Variants in DAB1 observed in about 807,000 individuals in gnomAD.
DAB1 encodes disabled homolog 1.
A neutral mutation model predicts 64.6 loss-of-function variants in DAB1; 15 were observed. The ratio of observed to expected loss-of-function variants is 0.23; its 90% CI spans 0.16 to 0.36. The LOEUF (loss-of-function observed/expected upper bound fraction) is 0.36, where lower values mean the gene tolerates loss of function less well. Ranked by LOEUF, DAB1 falls within the 10% of genes least tolerant of loss-of-function variation. The pLI is 1.00. For synonymous variants in DAB1, 235 were observed against 251.9 expected, an observed-to-expected ratio of 0.93 and a Z score of 0.64; for missense variants, 596 against 706.7, an observed-to-expected ratio of 0.84 and a Z score of 1.78.
chr1:58,446,106 T>G (rs1645063143), intron 3 of DAB1, among the ~76,000 whole-genome samples: 1 of 152,180 alleles, frequency 6.6e-6, no homozygotes, highest in Non-Finnish European at 1.5e-5. Context: ...ATACCATTAT[T>G]TAAATTTACA....
At chr1:58,045,828 C>T (rs1647231190) in intron 5 of DAB1, among the ~76,000 whole-genome samples, 1 of 152,022 alleles carries the variant, frequency 6.6e-6, no homozygotes, top group Non-Finnish European at 1.5e-5. Flanking sequence ...CATTTATTCT[C>T]CTATCCTTTC....
intron 1 of DAB1, among the ~76,000 whole-genome samples, chr1:57,359,826 AGC>A (rs1332033403): frequency 2.6e-5 from 4 of 152,068 alleles, no homozygotes; most frequent in Admixed American, 2.0e-4. Flanking sequence ...AAGTGAAATA[AGC>A]CAGGCACAGA....
At chr1:57,024,153 C>T (rs562031539) in intron 10 of DAB1, among the ~76,000 whole-genome samples, 69 of 152,250 alleles carry the variant, frequency 4.5e-4, no homozygotes, top group African/African-American at 1.6e-3. Flanking sequence ...GGTGCACAGA[C>T]CCTTGTATCC....
At chr1:58,274,704 C>T (rs1294849425) in intron 4 of DAB1, among the ~76,000 whole-genome samples, 1 of 152,198 alleles carries the variant, frequency 6.6e-6, no homozygotes, top group Non-Finnish European at 1.5e-5. Context: ...GATATAATCT[C>T]GTGGTTCGCC....
At chr1:57,428,073 CAGGAGAATCACCTGAACCCAGGAGGCGG>C (rs1685356853), upstream of DAB1, among the ~76,000 whole-genome samples, 1 of 152,014 alleles carries the variant, frequency 6.6e-6, no homozygotes, top group African/African-American at 2.4e-5. Context: ...GAGGCTAAGG[CAGGAGAATCACCTGAACCCAGGAGGCGG>C]AGGGTGCAGT....
At chr1:58,490,413 A>T (rs946302331) in intron 3 of DAB1, among the ~76,000 whole-genome samples, 3 of 152,332 alleles carry the variant, frequency 2.0e-5, no homozygotes, top group African/African-American at 7.2e-5. Flanking sequence ...AAAGAAATGA[A>T]CAAAGCCTCC....
At chr1:57,646,811 G>A (rs761452582) in intron 7 of DAB1, among the ~76,000 whole-genome samples, 6 of 152,116 alleles carry the variant, frequency 3.9e-5, no homozygotes, top group Admixed American at 2.0e-4. Flanking sequence ...GTAACAGGCC[G>A]AGTGTGTTTC....
intron 5 of DAB1, among the ~76,000 whole-genome samples, chr1:57,920,528 G>A (rs1474020880): frequency 1.3e-5 from 2 of 152,036 alleles, no homozygotes; most frequent in Admixed American, 1.3e-4. Flanking sequence ...ATGTTGCCCA[G>A]GCTAGTCTTG....
rs1414667024 is a variant in DAB1, at chr1:57,493,762, G to GCACACACACACACACA, written n.625+155829_625+155830insTGTGTGTGTGTGTGTG. On this transcript the variant is annotated intron_variant and non_coding_transcript_variant, in intron 7 of 20. Transcript: ENST00000485760. ...AGGGAGGCAGGCTGACGTATTCACA[G>GCACACACACACACACA]CTCACACACACACACACACACACAC... 7.5e-3 allele frequency among the ~76,000 whole-genome samples: 1,127 copies of GCACACACACACACACA among 150,170 alleles called. 9 individuals carry two copies. Among genetic ancestry groups the GCACACACACACACACA allele is most frequent in the African/African-American group, 0.025 (1,010 of 39,988 alleles).
At chr1:57,469,735 A>G (rs1167532283) in intron 7 of DAB1, among the ~76,000 whole-genome samples, 1 of 152,200 alleles carries the variant, frequency 6.6e-6, no homozygotes, top group Non-Finnish European at 1.5e-5. Context: ...AAGAGGTTAC[A>G]TTCTACCAGG....
chr1:58,376,361 A>G (rs372402345), intron 3 of DAB1, among the ~76,000 whole-genome samples: 3 of 136,598 alleles, frequency 2.2e-5, no homozygotes, highest in Non-Finnish European at 4.9e-5. Context: ...TGTGTCCCAG[A>G]GATTCTGGTA....
At chr1:57,138,734 G>A (rs899394249) in intron 3 of DAB1, among the ~76,000 whole-genome samples, 2 of 152,142 alleles carry the variant, frequency 1.3e-5, no homozygotes, top group African/African-American at 2.4e-5. Context: ...TCTGTTTAAT[G>A]CCACCCTCTC....
intron 5 of DAB1, among the ~76,000 whole-genome samples, chr1:58,076,230 T>A (rs1649631882): frequency 6.6e-6 from 1 of 152,180 alleles, no homozygotes; most frequent in Non-Finnish European, 1.5e-5. Context: ...TATATATGTA[T>A]ACTAATATCA....
intron 2 of DAB1, among the ~76,000 whole-genome samples, chr1:57,271,842 C>T (rs917746693): frequency 6.6e-6 from 1 of 152,196 alleles, no homozygotes; most frequent in African/African-American, 2.4e-5. Context: ...TACTGTCACA[C>T]TGATTGTTCC....
At chr1:58,247,081 G>A (rs1660572502) in intron 4 of DAB1, among the ~76,000 whole-genome samples, 1 of 152,126 alleles carries the variant, frequency 6.6e-6, no homozygotes, top group Non-Finnish European at 1.5e-5. Context: ...GTTCTAGAAA[G>A]ATGTGTCACA....
intron 7 of DAB1, among the ~76,000 whole-genome samples, chr1:57,429,308 G>C (rs1039025066): frequency 6.6e-6 from 1 of 152,006 alleles, no homozygotes; most frequent in Admixed American, 6.6e-5. Flanking sequence ...AGTCCATTCA[G>C]GTCCTTTGCC....
chr1:58,196,156 A>G (rs1657664489), intron 4 of DAB1, among the ~76,000 whole-genome samples: 1 of 152,224 alleles, frequency 6.6e-6, no homozygotes, highest in Non-Finnish European at 1.5e-5. Context: ...CTATTCAACC[A>G]GCAGATGGAA....
intron 5 of DAB1, among the ~76,000 whole-genome samples, chr1:57,951,799 C>A (rs1645285141): frequency 6.6e-6 from 1 of 152,248 alleles, no homozygotes; most frequent in Admixed American, 6.5e-5. Context: ...AGCATTTGAA[C>A]CAACTCCCCA....
intron 7 of DAB1, among the ~76,000 whole-genome samples, chr1:57,510,369 C>T (rs1045222695): frequency 1.3e-5 from 2 of 152,144 alleles, no homozygotes; most frequent in Non-Finnish European, 2.9e-5. Flanking sequence ...TCACTGGCCT[C>T]TCCTTCTCTG....
Sources: allele counts gnomAD v4.1 joint callset (sites outside exome capture counted in the v4.1 genomes callset), GRCh38; gene constraint gnomAD v4.1.1; transcripts MANE v1.5; gene names NCBI Gene and HGNC (gene_info 2026-07-23, HGNC 2026-07-21).